HECW2: variants seen among roughly 807,000 people sequenced by gnomAD.
HECW2 encodes the protein HECT, C2 and WW domain containing E3 ubiquitin protein ligase 2.
In HECW2, 61 loss-of-function variants were observed where a neutral mutation model predicts 175.2. That is an observed-to-expected ratio of 0.35 (90% CI 0.28 to 0.43). The LOEUF (loss-of-function observed/expected upper bound fraction) is 0.43, where lower values mean the gene tolerates loss of function less well. HECW2 is among the 20% of genes least tolerant of loss of function. The pLI is 1.00. For missense variants in HECW2, 1,524 were observed against 2,000.5 expected, an observed-to-expected ratio of 0.76 and a Z score of 4.54; for synonymous variants, 671 against 731.0, an observed-to-expected ratio of 0.92 and a Z score of 1.32.
At position 196,222,193 on chromosome 2, in the gene HECW2, G is replaced by A. The variant is rs1046466321; in HGVS notation, c.4146+18C>T. 1.9e-6 allele frequency: 3 copies of A among 1,610,016 alleles called. No homozygotes were observed. The highest frequency in any genetic ancestry group is 2.5e-6 in the Non-Finnish European group (3 of 1,177,966). ...TTCAGTTACCACACTTAGGCGCCAG[G>A]TGTGCAGATACACACACCTGCCCAA... On this transcript the variant is annotated intron_variant, in intron 24 of 28. Transcript: ENST00000644978.
intron 1 of HECW2, among the ~76,000 whole-genome samples, chr2:196,442,071 G>T (rs1696059515): frequency 1.3e-5 from 2 of 152,052 alleles, no homozygotes; most frequent in Non-Finnish European, 2.9e-5. Flanking sequence ...TTTAAAGACA[G>T]TTCAAGAATG....
chr2:196,453,728 G>A (rs766080847), intron 1 of HECW2, among the ~76,000 whole-genome samples: 1 of 152,084 alleles, frequency 6.6e-6, no homozygotes, highest in Non-Finnish European at 1.5e-5. Context: ...TCAGGCAAAC[G>A]AGGGTGGGAC....
chr2:196,286,723 C>T (rs1690404958), intron 14 of HECW2, among the ~76,000 whole-genome samples: 1 of 152,160 alleles, frequency 6.6e-6, no homozygotes, highest in South Asian at 2.1e-4. Flanking sequence ...TAGATTGCTG[C>T]ATAACTTAAG....
intron 1 of HECW2, among the ~76,000 whole-genome samples, chr2:196,588,837 AG>A (rs1397222575): frequency 2.0e-5 from 3 of 152,194 alleles, no homozygotes; most frequent in Non-Finnish European, 4.4e-5. Flanking sequence ...CCTTCCAGTT[AG>A]TACCATATTT....
intron 10 of HECW2, among the ~76,000 whole-genome samples, chr2:196,311,260 G>A (rs1691485355): frequency 6.6e-6 from 1 of 152,186 alleles, no homozygotes; most frequent in Non-Finnish European, 1.5e-5. Flanking sequence ...GAATCACTTT[G>A]AGGATCAATA....
intron 2 of HECW2, among the ~76,000 whole-genome samples, chr2:196,423,761 T>C (rs902724070): frequency 2.0e-5 from 3 of 151,142 alleles, no homozygotes; most frequent in Non-Finnish European, 2.9e-5. Flanking sequence ...GACACTTAGG[T>C]TGACTGCATA....
At chr2:196,305,170 C>T (rs183457623) in intron 13 of HECW2, among the ~76,000 whole-genome samples, 1 of 152,288 alleles carries the variant, frequency 6.6e-6, no homozygotes, top group East Asian at 1.9e-4. Context: ...GATGCCAGGG[C>T]CCACAGTTGC....
At chr2:196,368,212 G>A (rs1693802555) in intron 2 of HECW2, among the ~76,000 whole-genome samples, 1 of 152,064 alleles carries the variant, frequency 6.6e-6, no homozygotes, top group Admixed American at 6.6e-5. Flanking sequence ...TTCCATAGTG[G>A]TTGTACTAAT....
At chr2:196,586,239 C>T (rs184000627) in intron 1 of HECW2, among the ~76,000 whole-genome samples, 100 of 152,246 alleles carry the variant, frequency 6.6e-4, no homozygotes, top group African/African-American at 2.1e-3. Flanking sequence ...AAGATTGTGG[C>T]ATATTGTTTT....
chr2:196,387,481 A>C (rs1010042789), intron 2 of HECW2, among the ~76,000 whole-genome samples: 1 of 152,182 alleles, frequency 6.6e-6, no homozygotes, highest in African/African-American at 2.4e-5. Flanking sequence ...CTGGACACCG[A>C]ATCTGCTGGC....
chr2:196,206,524 T>C (rs1051706121), intron 28 of HECW2, among the ~76,000 whole-genome samples: 3 of 152,358 alleles, frequency 2.0e-5, no homozygotes, highest in Non-Finnish European at 4.4e-5. Context: ...TGTATGTGAA[T>C]GTACTTAATT....
chr2:196,317,021 G>A, intron 10 of HECW2: 1 of 430,010 alleles, frequency 2.3e-6, no homozygotes, highest in Non-Finnish European at 4.2e-6. Flanking sequence ...AAAATATCTG[G>A]ATCTACCTCC....
chr2:196,369,426 T>C (rs1366505560), intron 2 of HECW2, among the ~76,000 whole-genome samples: 2 of 148,596 alleles, frequency 1.3e-5, no homozygotes. Context: ...ACACATGGAC[T>C]CCTGTTGTCA....
chr2:196,325,977 G>C, intron 5 of HECW2, among the ~76,000 whole-genome samples: 1 of 152,198 alleles, frequency 6.6e-6, no homozygotes, highest in East Asian at 1.9e-4. Flanking sequence ...TGGCTCCACT[G>C]AGTCTTCAAC....
At chr2:196,558,600 C>T (rs1480138836) in intron 1 of HECW2, among the ~76,000 whole-genome samples, 3 of 152,330 alleles carry the variant, frequency 2.0e-5, no homozygotes, top group East Asian at 1.9e-4. Flanking sequence ...GTTTTAAGCA[C>T]GTAGTCCCTT....
intron 1 of HECW2, among the ~76,000 whole-genome samples, chr2:196,546,348 T>G (rs2125475564): frequency 6.6e-6 from 1 of 152,326 alleles, no homozygotes; most frequent in South Asian, 2.1e-4. Context: ...TTCAGATGAT[T>G]TCATGACTAG....
chr2:196,575,613 G>A (rs777928032), intron 1 of HECW2, among the ~76,000 whole-genome samples: 5 of 152,094 alleles, frequency 3.3e-5, no homozygotes, highest in Admixed American at 6.5e-5. Context: ...TAGACAATGG[G>A]CTGCATAGAT....
intron 1 of HECW2, among the ~76,000 whole-genome samples, chr2:196,532,681 A>G (rs1040576375): frequency 9.2e-4 from 140 of 151,836 alleles, no homozygotes; most frequent in African/African-American, 3.4e-3. Flanking sequence ...TAAAAAAAAA[A>G]TTACCATCTT....
chr2:196,291,624 C>A (rs1690606213), intron 14 of HECW2: 1 of 152,196 alleles, frequency 6.6e-6, no homozygotes, highest in South Asian at 2.1e-4. Flanking sequence ...GTTGGTTACT[C>A]AATACTTGCA....
Sources: gnomAD v4.1 joint callset for allele counts (sites outside exome capture counted in the v4.1 genomes callset) on GRCh38, gnomAD v4.1.1 for gene constraint, MANE v1.5 for transcripts, NCBI Gene and HGNC (gene_info 2026-07-23, HGNC 2026-07-21) for gene names.